Variants in KCNQ1 observed in about 807,000 individuals in gnomAD.
KCNQ1 encodes potassium voltage-gated channel subfamily Q member 1.
KCNQ1 carries 49 observed loss-of-function variants against 72.4 expected under a neutral mutation model. That is an observed-to-expected ratio of 0.68 (90% CI 0.54 to 0.86). The LOEUF (loss-of-function observed/expected upper bound fraction) is 0.86, where lower values mean the gene tolerates loss of function less well. KCNQ1 is among the 40% of genes least tolerant of loss of function. The probability of loss-of-function intolerance (pLI) is 0.00; values close to 1 mark genes in which losing one functional copy is unlikely to be tolerated. For synonymous variants in KCNQ1, 450 were observed against 412.6 expected, an observed-to-expected ratio of 1.09 and a Z score of -1.10; for missense variants, 790 against 945.1, an observed-to-expected ratio of 0.84 and a Z score of 2.15.
rs1456043868 is a variant in KCNQ1, at chr11:2,492,293, A to G, written c.387-35635A>G. 6.6e-6 allele frequency among the ~76,000 whole-genome samples: 1 copy of G among 152,252 alleles called. No individual in the cohort carries two copies. Among genetic ancestry groups the G allele is most frequent in the Non-Finnish European group, 1.5e-5 (1 of 68,050 alleles). On this transcript the variant is annotated intron_variant, in intron 1 of 15. Coordinates refer to ENST00000155840, the MANE Select transcript of KCNQ1 (RefSeq NM_000218.3). The surrounding 1 kb of genome is among the most constrained non-coding windows in gnomAD (Gnocchi z 4.1). ...CTTTTGCGGTACAATAGGCAGTACAATAAGATATAGAGACAAAAAAACTTA... is the reference window on the plus strand; with the variant it reads ...CTTTTGCGGTACAATAGGCAGTACAGTAAGATATAGAGACAAAAAAACTTA...
chr11:2,571,287 G>A (rs754124834), intron 3 of KCNQ1, 38 bp from the exon 4 acceptor site: 1 of 1,545,964 alleles, frequency 6.5e-7, no homozygotes, highest in East Asian at 2.2e-5. Context: ...CCTGGCTGTG[G>A]CGATCACGAA....
At position 2,483,351 on chromosome 11, in the gene KCNQ1, C is replaced by T. The variant is rs1488050901; in HGVS notation, c.386+37867C>T. Among the ~76,000 whole-genome samples, 1 of 152,184 alleles carries T rather than the reference C, an allele frequency of 6.6e-6. No homozygotes were observed. Among genetic ancestry groups the T allele is most frequent in the Non-Finnish European group, 1.5e-5 (1 of 68,022 alleles). On this transcript the variant is annotated intron_variant, in intron 1 of 15. Coordinates refer to ENST00000155840, the MANE Select transcript of KCNQ1 (RefSeq NM_000218.3). The surrounding 1 kb of genome is among the most constrained non-coding windows in gnomAD (Gnocchi z 6.1). Reference sequence around the variant, plus strand: ...ATTTTAGACCTACAGAAAAGTTCCACGACAGTACTGAGAGTTCCTGTGGAC... The same window carrying T: ...ATTTTAGACCTACAGAAAAGTTCCATGACAGTACTGAGAGTTCCTGTGGAC...
chr11:2,828,324 A>G lies in KCNQ1; in HGVS notation c.1795-19443A>G, dbSNP rs986886316. ...CACTGGTTAAACGTGATGGGTAAAC[A>G]CATGTCTATTTCAGCTTCTTTGAAT... On this transcript the variant is annotated intron_variant, in intron 15 of 15. Coordinates refer to ENST00000155840, the MANE Select transcript of KCNQ1 (RefSeq NM_000218.3). The surrounding 1 kb of genome is among the most constrained non-coding windows in gnomAD (Gnocchi z 5.3). Among the ~76,000 whole-genome samples, 4 of 152,244 alleles carry G rather than the reference A, an allele frequency of 2.6e-5. No individual in the cohort carries two copies. Among genetic ancestry groups the G allele is most frequent in the African/African-American group, 9.6e-5 (4 of 41,470 alleles).
At chr11:2,806,173 G>A (rs1847369573) in intron 15 of KCNQ1, among the ~76,000 whole-genome samples, 1 of 152,178 alleles carries the variant, frequency 6.6e-6, no homozygotes, top group Non-Finnish European at 1.5e-5. Context: ...TGTCTCTGGA[G>A]GGTGGACTTA....
intron 3 of KCNQ1, 84 bp downstream of exon 3, chr11:2,570,838 G>A: frequency 6.3e-7 from 1 of 1,582,926 alleles, no homozygotes; most frequent in East Asian, 2.2e-5. Context: ...ACCAGATGGA[G>A]TCCCCTAAGG....
intron 1 of KCNQ1, among the ~76,000 whole-genome samples, chr11:2,456,961 A>ACC (rs1846203840): frequency 6.6e-6 from 1 of 150,984 alleles, no homozygotes; most frequent in Admixed American, 6.6e-5. Context: ...AAAAAAAAAA[A>ACC]AAAACCCAAA....
rs1408515452 is a variant in KCNQ1 at position 2,669,585 on chromosome 11, G to A, written c.1514+7504G>A. 2.8e-5 allele frequency: 11 copies of A among 398,502 alleles called. No individual in the cohort carries two copies. 24.7% of individuals were successfully genotyped at this position (398,502 alleles called of 1,614,324 possible). A position where few individuals can be genotyped will look rare whatever the true frequency, so the allele number is the denominator to read the frequency against. On this transcript the variant is annotated intron_variant, in intron 11 of 15. Transcript: ENST00000155840. This position sits in a 1 kb window ranked among gnomAD's most constrained non-coding sequence, Gnocchi z 5.6. The stretch of plus-strand genomic sequence containing the variant: ...TGGCCAGCTTGGGTCATTTCATCCT[G>A]CCCACAGGACACTGGGGCAGTCACC...
At chr11:2,797,363 C>G (rs1407298534) in intron 15 of KCNQ1, among the ~76,000 whole-genome samples, 2 of 152,234 alleles carry the variant, frequency 1.3e-5, no homozygotes. Flanking sequence ...ACTGGGCAGC[C>G]AGAGGTGTGC....
chr11:2,614,566 G>C (rs1233459918), intron 10 of KCNQ1: 2 of 398,274 alleles, frequency 5.0e-6, no homozygotes, highest in Non-Finnish European at 8.8e-6. Context: ...TATGCTATGA[G>C]TTATGGGTCC....
intron 11 of KCNQ1, chr11:2,666,225 C>T (rs918516617): frequency 8.0e-5 from 32 of 398,464 alleles, no homozygotes; most frequent in Middle Eastern, 6.2e-4. Flanking sequence ...AGGGAGCACC[C>T]GGCCCATTGA....
intron 15 of KCNQ1, among the ~76,000 whole-genome samples, chr11:2,793,759 C>T (rs1429706953): frequency 1.3e-5 from 2 of 152,226 alleles, no homozygotes; most frequent in East Asian, 3.8e-4. Context: ...TATTCATTCA[C>T]CTTGTGCCAC....
intron 2 of KCNQ1, among the ~76,000 whole-genome samples, chr11:2,554,434 ATGT>A (rs1001666318): frequency 1.3e-5 from 2 of 152,206 alleles, no homozygotes; most frequent in African/African-American, 2.4e-5. Flanking sequence ...AAACAAGACC[ATGT>A]TGTGCTGACA....
rs931302769 is a variant in KCNQ1 at position 2,660,041 on chromosome 11, T to A, written c.1394-1920T>A. The A allele has an allele frequency of 1.3e-5, 5 of 398,358 alleles. No individual in the cohort carries two copies. The Admixed American group carries it at 2.2e-4, about 18-fold the overall frequency. 24.7% of individuals were successfully genotyped at this position (398,358 alleles called of 1,614,324 possible). ...TGTTGCACAGCAAAAGCTTTTAATT[T>A]TGATAAAGTCCAATTTGTTGATTCT... On this transcript the variant is annotated intron_variant, in intron 10 of 15. Transcript: ENST00000155840.
rs188043503 is a variant in KCNQ1 at position 2,772,511 on chromosome 11, G to A, written c.1591-3449G>A. On this transcript the variant is annotated intron_variant, in intron 12 of 15. Coordinates refer to ENST00000155840, the MANE Select transcript of KCNQ1 (RefSeq NM_000218.3). This position sits in a 1 kb window ranked among gnomAD's most constrained non-coding sequence, Gnocchi z 6.6. ...ACAAAGGCCCCCGTGAGCCCTAACC[G>A]TATCCTAGCAGGCATCTCAGTGGCT... Among the ~76,000 whole-genome samples, 211 of 152,164 alleles carry A rather than the reference G, an allele frequency of 1.4e-3. 1 individual carries two copies. The highest frequency in any genetic ancestry group is 2.3e-3 in the Non-Finnish European group (157 of 67,996).
chr11:2,534,182 G>T (rs1254182970), intron 2 of KCNQ1, among the ~76,000 whole-genome samples: 5 of 152,184 alleles, frequency 3.3e-5, no homozygotes, highest in African/African-American at 1.2e-4. Flanking sequence ...CCTCCGTGAC[G>T]GCCCTGGGCG....
intron 1 of KCNQ1, among the ~76,000 whole-genome samples, chr11:2,460,435 G>A (rs1174578318): frequency 6.6e-6 from 1 of 152,196 alleles, no homozygotes; most frequent in Non-Finnish European, 1.5e-5. Flanking sequence ...TGTTTACTCT[G>A]TGGCATCAGT....
At chr11:2,770,196 C>T (rs1284472290) in intron 12 of KCNQ1, among the ~76,000 whole-genome samples, 3 of 152,168 alleles carry the variant, frequency 2.0e-5, no homozygotes, top group Non-Finnish European at 2.9e-5. Context: ...CCACAGTCTC[C>T]TTGGTGGAGC....
chr11:2,755,529 G>A (rs981968676), intron 11 of KCNQ1, among the ~76,000 whole-genome samples: 5 of 152,214 alleles, frequency 3.3e-5, no homozygotes, highest in Non-Finnish European at 7.3e-5. Context: ...AAAGCACTGG[G>A]ATTATAGGCA....
intron 10 of KCNQ1, chr11:2,628,280 A>C: frequency 2.5e-6 from 1 of 398,582 alleles, no homozygotes; most frequent in Non-Finnish European, 4.4e-6. Flanking sequence ...CCTTTTCTCC[A>C]CATCCTCACC....
Sources: gnomAD v4.1 joint callset for allele counts (sites outside exome capture counted in the v4.1 genomes callset) on GRCh38, gnomAD v4.1.1 for gene constraint, Gnocchi (gnomAD v3.1) non-coding constraint, MANE v1.5 for transcripts, NCBI Gene and HGNC (gene_info 2026-07-23, HGNC 2026-07-21) for gene names.